The following PCNX2 variants were observed in gnomAD, a reference collection of about 807,000 sequenced individuals.
PCNX2 encodes the protein pecanex 2.
PCNX2 carries 168 observed loss-of-function variants against 223.8 expected under a neutral mutation model. The observed-to-expected ratio is 0.75, with a 90% CI of 0.66 to 0.85. The LOEUF (loss-of-function observed/expected upper bound fraction) is 0.85, where lower values mean the gene tolerates loss of function less well. PCNX2 is among the 40% of genes least tolerant of loss of function. PCNX2 has a pLI of 0.00. For synonymous variants in PCNX2, 1,006 were observed against 1,052.6 expected (o/e 0.96, Z 0.86); for missense variants, 2,507 against 2,675.5 (o/e 0.94, Z 1.39).
rs552146417 is a variant in PCNX2 at position 233,092,796 on chromosome 1, TTTTTTG to T, written c.3947-2612_3947-2607del. Among the ~76,000 whole-genome samples the T allele has an allele frequency of 2.8e-4, 43 of 152,126 alleles. No homozygotes were observed. The East Asian group carries it at 7.9e-3, about 28-fold the overall frequency. On this transcript the variant is annotated intron_variant, in intron 22 of 33. Coordinates refer to ENST00000258229, the MANE Select transcript of PCNX2 (RefSeq NM_014801.4). ...AAACATCAATTATTTGTTTTGTTTGTTTTTTGTTTTTGTTTTTTTTGAAATGAAGTC... is the reference window on the plus strand; with the variant it reads ...AAACATCAATTATTTGTTTTGTTTGTTTTTTGTTTTTTTTGAAATGAAGTC...
At chr1:233,122,711 C>T (rs1051016579) in intron 21 of PCNX2, among the ~76,000 whole-genome samples, 5 of 151,850 alleles carry the variant, frequency 3.3e-5, no homozygotes, top group African/African-American at 9.7e-5. Context: ...TTAGTAGAGA[C>T]GGGGTTCCAC....
Position 233,025,472 on chromosome 1 carries a change from A to T in PCNX2, c.4352-73T>A. 3 of 1,563,374 alleles carry T rather than the reference A, an allele frequency of 1.9e-6. No individual in the cohort carries two copies. In the South Asian group the frequency reaches 3.5e-5, roughly 18 times the overall value. ...AATGTTTGCTTCAACGGATTTCCCC[A>T]TGCCTTCATCAGAGGGGAAGAGGCT... is the stretch of plus-strand genomic sequence containing the variant. On this transcript the variant is annotated intron_variant, in intron 25 of 33. Transcript: ENST00000258229.
chr1:233,144,463 T>C (rs769959115), intron 19 of PCNX2, among the ~76,000 whole-genome samples: 5 of 152,194 alleles, frequency 3.3e-5, no homozygotes, highest in Non-Finnish European at 7.3e-5. Context: ...TGACAAATAA[T>C]TGTCCAAAGG....
chr1:233,021,783 G>A lies in PCNX2; in HGVS notation c.4605+3363C>T, dbSNP rs1209818122. On this transcript the variant is annotated intron_variant, in intron 26 of 33. Coordinates refer to ENST00000258229, the MANE Select transcript of PCNX2 (RefSeq NM_014801.4). Reference sequence around the variant, plus strand: ...AGCCAGCTATTACCCGGCAGGTTCTGGGGGAGCCTTCCTGAGCCCTTTTCC... The same window carrying A: ...AGCCAGCTATTACCCGGCAGGTTCTAGGGGAGCCTTCCTGAGCCCTTTTCC... Among the ~76,000 whole-genome samples the A allele has an allele frequency of 3.3e-5, 5 of 152,186 alleles. No homozygotes were observed. The East Asian group carries it at 9.6e-4, about 29-fold the overall frequency.
At chr1:233,249,886 T>G (rs1448495740) in intron 8 of PCNX2, among the ~76,000 whole-genome samples, 1 of 152,118 alleles carries the variant, frequency 6.6e-6, no homozygotes. Context: ...AAAGACAGCC[T>G]TTACTCTAAG....
At chr1:233,117,349 C>T (rs781499536) in intron 21 of PCNX2, among the ~76,000 whole-genome samples, 3 of 152,116 alleles carry the variant, frequency 2.0e-5, no homozygotes, top group South Asian at 2.1e-4. Flanking sequence ...CCACAACCCC[C>T]GGCCTGGCGC....
At chr1:233,020,398 A>C (rs1670837873) in intron 26 of PCNX2, among the ~76,000 whole-genome samples, 1 of 152,242 alleles carries the variant, frequency 6.6e-6, no homozygotes, top group Non-Finnish European at 1.5e-5. Context: ...GGTGGATACA[A>C]CACTAAGTAA....
intron 25 of PCNX2, among the ~76,000 whole-genome samples, chr1:233,027,252 T>C (rs1302790672): frequency 2.6e-5 from 4 of 152,194 alleles, no homozygotes; most frequent in Admixed American, 1.3e-4. Flanking sequence ...ATGTTGATCT[T>C]TGCAAGACGG....
intron 25 of PCNX2, among the ~76,000 whole-genome samples, chr1:233,048,183 A>G (rs1395179954): frequency 6.6e-6 from 1 of 152,218 alleles, no homozygotes; most frequent in Non-Finnish European, 1.5e-5. Context: ...CAGGCTGCAC[A>G]TGGTGGCTCC....
chr1:233,134,179 G>A (rs1037067988), intron 21 of PCNX2, among the ~76,000 whole-genome samples: 5 of 152,152 alleles, frequency 3.3e-5, no homozygotes, highest in Admixed American at 6.5e-5. Flanking sequence ...TTCAACTGCC[G>A]GTGTGAGTGT....
intron 21 of PCNX2, among the ~76,000 whole-genome samples, chr1:233,114,885 G>C (rs1675316820): frequency 6.6e-6 from 1 of 152,080 alleles, no homozygotes; most frequent in African/African-American, 2.4e-5. Flanking sequence ...CACTTTCAGG[G>C]GTTTTACTTC....
At position 233,253,614 on chromosome 1, in the gene PCNX2, G is replaced by A. The variant is rs1365953510; in HGVS notation, c.1835-826C>T. Among the ~76,000 whole-genome samples, 1 of 152,166 alleles carries A rather than the reference G, an allele frequency of 6.6e-6. No homozygotes were observed. The highest frequency in any genetic ancestry group is 1.5e-5 in the Non-Finnish European group (1 of 68,036). ...TCCCACCTCAGCCTCCTGAAGTACT[G>A]GGATTACAGGCATGAGCCACCACAC... On this transcript the variant is annotated intron_variant, in intron 5 of 33. Transcript: ENST00000258229. The surrounding 1 kb of genome is among the most constrained non-coding windows in gnomAD (Gnocchi z 4.2).
intron 13 of PCNX2, among the ~76,000 whole-genome samples, chr1:233,203,450 A>G (rs1041044370): frequency 2.2e-4 from 33 of 152,308 alleles, no homozygotes; most frequent in African/African-American, 7.5e-4. Context: ...TCTTATAATG[A>G]AAGGAAAAGT....
At chr1:233,161,092 A>G (rs1678440503) in intron 18 of PCNX2, among the ~76,000 whole-genome samples, 179 bp downstream of exon 18, 1 of 152,214 alleles carries the variant, frequency 6.6e-6, no homozygotes, top group Non-Finnish European at 1.5e-5. Flanking sequence ...GATGTGGACC[A>G]AGTCACATCT....
rs1256227206 is a variant in PCNX2, at chr1:233,262,107, G to A, written c.418C>T (p.Pro140Ser). The A allele has an allele frequency of 4.3e-6, 7 of 1,613,752 alleles. No homozygotes were observed. The Admixed American group carries it at 1.0e-4, about 23-fold the overall frequency. ...CCTCTGGAGCTGCAGCGGAGGGGAG[G>A]CGTGGAGAGGTTTCGACTGGCCTCT... ...KEEASRNLST[P>S]PLRCSSRGQS... The change falls in exon 3 of 34, where the codon CCT (proline) becomes TCT (serine). Residue 140 changes from proline (P) to serine (S), a missense_variant. By Grantham distance (74) the Pro-to-Ser change is moderately conservative. Transcript: ENST00000258229.
At chr1:233,310,916 C>T in the PCNX2 span, among the ~76,000 whole-genome samples, 1 of 152,114 alleles carries the variant, frequency 6.6e-6, no homozygotes, top group Non-Finnish European at 1.5e-5. Flanking sequence ...CTCTCATTAC[C>T]ACAAGGAGTG....
At chr1:233,138,104 C>T (rs1243278258) in intron 20 of PCNX2, among the ~76,000 whole-genome samples, 1 of 152,148 alleles carries the variant, frequency 6.6e-6, no homozygotes, top group East Asian at 1.9e-4. Flanking sequence ...TTTAATTCTA[C>T]AGATGCATCA....
rs112288126 is a variant in PCNX2 at position 233,246,437 on chromosome 1, G to A, written c.2222+4302C>T. The stretch of plus-strand genomic sequence containing the variant: ...GGGAGGGAGACTCACCTGTCCACTG[G>A]CCACTTAGTATCTACATGAAGCTGA... On this transcript the variant is annotated intron_variant, in intron 8 of 33. Coordinates refer to ENST00000258229, the MANE Select transcript of PCNX2 (RefSeq NM_014801.4). 3.9e-3 allele frequency among the ~76,000 whole-genome samples: 592 copies of A among 152,326 alleles called. 3 individuals carry two copies. The highest frequency in any genetic ancestry group is 0.013 in the African/African-American group (538 of 41,572).
At chr1:233,244,955 G>A (rs1479098773) in intron 8 of PCNX2, among the ~76,000 whole-genome samples, 1 of 152,154 alleles carries the variant, frequency 6.6e-6, no homozygotes, top group Non-Finnish European at 1.5e-5. Flanking sequence ...TATTTGTTGA[G>A]GTCGTTTTGA....
Sources: allele counts gnomAD v4.1 joint callset (sites outside exome capture counted in the v4.1 genomes callset), GRCh38; gene constraint gnomAD v4.1.1; non-coding constraint Gnocchi (gnomAD v3.1); transcripts MANE v1.5; gene names NCBI Gene and HGNC (gene_info 2026-07-23, HGNC 2026-07-21).